The following GPRC5C variants were observed in gnomAD, a reference collection of about 807,000 sequenced individuals.
GPRC5C encodes the protein G protein-coupled receptor class C group 5 member C.
GPRC5C carries 22 observed loss-of-function variants against 31.4 expected under a neutral mutation model. The observed-to-expected ratio is 0.70, with a 90% confidence interval of 0.50 to 1.00. The LOEUF is 1.00. GPRC5C is among the 50% of genes least tolerant of loss of function. The pLI, the probability that GPRC5C is intolerant of heterozygous loss-of-function variation, is 0.00. For synonymous variants in GPRC5C, 249 were observed against 257.5 expected (o/e 0.97, Z 0.32); for missense variants, 557 against 597.2 (o/e 0.93, Z 0.70).
downstream of GPRC5C, chr17:74,450,541 G>C (rs551570830): frequency 5.1e-4 from 78 of 152,390 alleles, no homozygotes; most frequent in African/African-American, 1.8e-3. Flanking sequence ...GGGATCCTCA[G>C]GTAAGCGGGA....
At chr17:74,443,646 T>G in intron 2 of GPRC5C, 172 bp from the exon 3 acceptor site, 2 of 692,808 alleles carry the variant, frequency 2.9e-6, no homozygotes. Context: ...GGGGCCCCCG[T>G]GTTCACAACC....
At chr17:74,449,495 C>G, downstream of GPRC5C, 2 of 505,850 alleles carry the variant, frequency 4.0e-6, no homozygotes, top group South Asian at 3.5e-5. Context: ...CAACCTGAAG[C>G]AGTGGACCGA....
intron 1 of GPRC5C, among the ~76,000 whole-genome samples, chr17:74,435,707 T>A (rs2055423493): frequency 6.6e-6 from 1 of 152,164 alleles, no homozygotes; most frequent in African/African-American, 2.4e-5. Context: ...CAGAGAGCTG[T>A]GAAGCTTTCC....
intron 1 of GPRC5C, among the ~76,000 whole-genome samples, chr17:74,435,176 G>A (rs1488672555): frequency 6.6e-5 from 10 of 152,142 alleles, no homozygotes; most frequent in African/African-American, 1.9e-4. Context: ...CCGAGATCAC[G>A]CCACTGCGCT....
intron 1 of GPRC5C, among the ~76,000 whole-genome samples, chr17:74,434,248 A>G (rs1416267449): frequency 1.3e-5 from 2 of 152,160 alleles, no homozygotes; most frequent in Non-Finnish European, 2.9e-5. Context: ...CTCAGGGCGG[A>G]AGGAGGTTCC....
intron 2 of GPRC5C, 146 bp from the exon 3 acceptor site, chr17:74,443,672 C>T: frequency 1.3e-6 from 1 of 746,108 alleles, no homozygotes; most frequent in Non-Finnish European, 2.4e-6. Flanking sequence ...CCCAAGTTGG[C>T]CACTCCTGGG....
At chr17:74,444,217 GGGA>G (rs1402659931) in intron 3 of GPRC5C, among the ~76,000 whole-genome samples, 1 of 152,194 alleles carries the variant, frequency 6.6e-6, no homozygotes, top group African/African-American at 2.4e-5. Context: ...TCTCCCTGGT[GGGA>G]GCTGCCAGCT....
At position 74,440,136 on chromosome 17, in the gene GPRC5C, C is replaced by A. The variant is rs746853214; in HGVS notation, c.360C>A (p.Arg120=). The part of the protein sequence containing the change: ...KPDFSTCASR[R]FLFGVLFAIC... Reference sequence around the variant, plus strand: ...ACTTCTCCACCTGTGCCTCTCGGCGCTTCCTCTTTGGGGTTCTGTTCGCCA... The same window carrying A: ...ACTTCTCCACCTGTGCCTCTCGGCGATTCCTCTTTGGGGTTCTGTTCGCCA... Residue 120 remains arginine (R), a synonymous_variant, in exon 2 of 4, where the codon CGC becomes CGA. Transcript: ENST00000392627. This position sits in a 1 kb window ranked among gnomAD's most constrained non-coding sequence, Gnocchi z 4.4. The A allele has an allele frequency of 6.2e-7, 1 of 1,614,216 alleles. No individual in the cohort carries two copies. The highest frequency in any genetic ancestry group is 1.6e-4 in the Middle Eastern group (1 of 6,062).
chr17:74,432,885 G>C (rs1392521279), intron 1 of GPRC5C, among the ~76,000 whole-genome samples: 1 of 152,072 alleles, frequency 6.6e-6, no homozygotes, highest in Non-Finnish European at 1.5e-5. Flanking sequence ...CCCTAAAAAT[G>C]GGAGAGAGTG....
intron 1 of GPRC5C, among the ~76,000 whole-genome samples, chr17:74,433,158 C>T (rs1227808363): frequency 2.0e-5 from 3 of 152,094 alleles, no homozygotes; most frequent in Admixed American, 2.0e-4. Flanking sequence ...TTACAAACTC[C>T]ACGATCAAGA....
chr17:74,436,979 G>A (rs1277162785), intron 1 of GPRC5C, among the ~76,000 whole-genome samples: 1 of 152,060 alleles, frequency 6.6e-6, no homozygotes, highest in Non-Finnish European at 1.5e-5. Context: ...GTCTCGCTCC[G>A]TCACCCAGGC....
chr17:74,432,494 C>T, intron 1 of GPRC5C: 2 of 1,028,468 alleles, frequency 1.9e-6, no homozygotes, highest in East Asian at 8.8e-5. Flanking sequence ...CCAAACGCTG[C>T]GCTGGAGCGG....
At chr17:74,433,606 G>A (rs1435466605) in intron 1 of GPRC5C, 1 of 945,106 alleles carries the variant, frequency 1.1e-6, no homozygotes, top group Admixed American at 1.7e-5. Context: ...AGGAGTGGAG[G>A]CAGGAAGGCT....
intron 3 of GPRC5C, chr17:74,446,009 A>G (rs1478215101): frequency 1.7e-5 from 1 of 58,630 alleles, no homozygotes; most frequent in Non-Finnish European, 2.7e-5. Flanking sequence ...CACCATCTCT[A>G]CAAAAAAAAA....
chr17:74,437,011 C>T (rs1216374673), intron 1 of GPRC5C, among the ~76,000 whole-genome samples: 1 of 152,168 alleles, frequency 6.6e-6, no homozygotes, highest in Non-Finnish European at 1.5e-5. Flanking sequence ...GGCGCAATCT[C>T]GGCTCACTGC....
chr17:74,439,654 C>G, intron 1 of GPRC5C, 91 bp from the exon 2 acceptor site: 1 of 1,232,748 alleles, frequency 8.1e-7, no homozygotes, highest in African/African-American at 1.5e-5. Flanking sequence ...CTAGCACTAT[C>G]TGCCTGGGTT....
chr17:74,444,447 G>A (rs2055594881), intron 3 of GPRC5C, among the ~76,000 whole-genome samples: 8 of 152,254 alleles, frequency 5.3e-5, no homozygotes, highest in Admixed American at 2.6e-4. Context: ...TTAGCCAGGG[G>A]AGGGGGAGGG....
chr17:74,448,037 G>A (rs748328371), downstream of GPRC5C, among the ~76,000 whole-genome samples: 17 of 152,176 alleles, frequency 1.1e-4, no homozygotes, highest in Non-Finnish European at 1.6e-4. Context: ...TGCGGGGTGC[G>A]ATGGCTCATG....
In GPRC5C at chr17:74,447,008, A is replaced by T. The variant is rs756491645; in HGVS notation, c.1306A>T (p.Asn436Tyr). 6.2e-7 allele frequency: 1 copy of T among 1,613,936 alleles called. No homozygotes were observed. Among genetic ancestry groups the T allele is most frequent in the Admixed American group, 1.7e-5 (1 of 60,026 alleles). ...CGGCAAGAACTCTCAGGTCTTTAGA[A>T]ACCCCTACGTGTGGGACTGAGTCAG... The part of the protein sequence containing the change: ...KDGKNSQVFR[N>Y]PYVWD Residue 436 changes from asparagine (N) to tyrosine (Y), a missense_variant, in exon 4 of 4, where the codon AAC (asparagine) becomes TAC (tyrosine). Asn to Tyr is a moderately radical substitution (Grantham distance 143, BLOSUM62 -2). Coordinates refer to ENST00000392627, the MANE Select transcript of GPRC5C (RefSeq NM_022036.4).
Sources: gnomAD v4.1 joint callset for allele counts (sites outside exome capture counted in the v4.1 genomes callset) on GRCh38, gnomAD v4.1.1 for gene constraint, Gnocchi (gnomAD v3.1) non-coding constraint, MANE v1.5 for transcripts, NCBI Gene and HGNC (gene_info 2026-07-23, HGNC 2026-07-21) for gene names.